DNAAF5: variants seen among roughly 807,000 people sequenced by gnomAD.
DNAAF5 encodes HEAT repeat containing 2.
In DNAAF5, 64 loss-of-function variants were observed where a neutral mutation model predicts 75.8. The observed-to-expected ratio is 0.84, with a 90% CI of 0.69 to 1.04. The LOEUF (loss-of-function observed/expected upper bound fraction) is 1.04, where lower values mean the gene tolerates loss of function less well. Ranked by LOEUF, DNAAF5 falls within the 50% of genes least tolerant of loss-of-function variation. The pLI, the probability that DNAAF5 is intolerant of heterozygous loss-of-function variation, is 0.00. For missense variants in DNAAF5, 1,269 were observed against 1,178.5 expected (o/e 1.08, Z -1.12); for synonymous variants, 657 against 557.2 (o/e 1.18, Z -2.52).
chr7:739,081 T>C, intron 2 of DNAAF5, among the ~76,000 whole-genome samples: 1 of 141,486 alleles, frequency 7.1e-6, no homozygotes, highest in Admixed American at 7.0e-5. Flanking sequence ...GCAGTCTGGC[T>C]TGTCTCAGCC....
intron 12 of DNAAF5, among the ~76,000 whole-genome samples, chr7:782,646 C>T (rs1247464143): frequency 7.0e-6 from 1 of 143,044 alleles, no homozygotes; most frequent in Non-Finnish European, 1.5e-5. Context: ...GGCCGCCTCC[C>T]GTCACGCAGC....
intron 8 of DNAAF5, among the ~76,000 whole-genome samples, chr7:764,449 C>A (rs1007418535): frequency 2.6e-5 from 4 of 152,328 alleles, no homozygotes; most frequent in African/African-American, 9.6e-5. Context: ...GGGGCAAGAT[C>A]CACTGCAGAA....
At position 756,884 on chromosome 7, in the gene DNAAF5, C is replaced by A; in HGVS notation, c.1360C>A (p.Leu454Met). The A allele has an allele frequency of 1.9e-6, 3 of 1,613,532 alleles. No homozygotes were observed. The highest frequency in any genetic ancestry group is 8.5e-7 in the Non-Finnish European group (1 of 1,180,008). The change falls in exon 6 of 13, where the codon CTG (leucine) becomes ATG (methionine). Residue 454 changes from leucine to methionine, a missense_variant. Coordinates refer to ENST00000297440, the MANE Select transcript of DNAAF5 (RefSeq NM_017802.4). The part of the protein sequence containing the change: ...LKKTPSASGL[L>M]VLASAMRGCP... ...GAAGACGCCCTCTGCCTCCGGCCTCCTGGTGCTGGCCTCCGCCATGCGGGG... is the reference window on the plus strand; with the variant it reads ...GAAGACGCCCTCTGCCTCCGGCCTCATGGTGCTGGCCTCCGCCATGCGGGG...
intron 8 of DNAAF5, among the ~76,000 whole-genome samples, chr7:764,916 GA>G (rs960099414): frequency 4.0e-5 from 6 of 151,870 alleles, no homozygotes; most frequent in Admixed American, 1.3e-4. Flanking sequence ...ACAAAAAGAT[GA>G]AAAAAACCGC....
intron 2 of DNAAF5, among the ~76,000 whole-genome samples, chr7:738,098 C>G (rs1400662342): frequency 6.6e-6 from 1 of 152,182 alleles, no homozygotes; most frequent in Non-Finnish European, 1.5e-5. Context: ...GTGCTTCATT[C>G]TTTCTATTCT....
chr7:768,036 C>G (rs1229559109), intron 8 of DNAAF5, among the ~76,000 whole-genome samples: 1 of 150,776 alleles, frequency 6.6e-6, no homozygotes, highest in Admixed American at 6.6e-5. Flanking sequence ...CAGGAGCTGG[C>G]GCTGGGAGGG....
In DNAAF5 at chr7:727,223, T is replaced by A; in HGVS notation, c.503T>A (p.Leu168Gln). 1 of 1,347,248 alleles carries A rather than the reference T, an allele frequency of 7.4e-7. No homozygotes were observed. The allele number at this position is 1,347,248 out of a possible 1,614,324, so 83.5% of individuals were successfully genotyped here. Reference protein sequence around the residue: ...AALAPHLDDALRALRCSLLDP... With the variant: ...AALAPHLDDAQRALRCSLLDP... Reference sequence around the variant, plus strand: ...CTCGCGCCCCACCTGGACGACGCTCTGCGCGCGCTGCGCTGCTCCCTGCTC... The same window carrying A: ...CTCGCGCCCCACCTGGACGACGCTCAGCGCGCGCTGCGCTGCTCCCTGCTC... The change falls in exon 1 of 13, where the codon CTG becomes CAG. Residue 168 changes from leucine to glutamine, a missense_variant. Coordinates refer to ENST00000297440, the MANE Select transcript of DNAAF5 (RefSeq NM_017802.4).
At chr7:733,054 T>G (rs1243698264) in intron 2 of DNAAF5, among the ~76,000 whole-genome samples, 1 of 152,234 alleles carries the variant, frequency 6.6e-6, no homozygotes, top group Admixed American at 6.5e-5. Flanking sequence ...CCCCAAGATA[T>G]GTCCTTGGCA....
chr7:754,095 C>T lies in DNAAF5; in HGVS notation c.1025-494C>T, dbSNP rs1303395128. Among the ~76,000 whole-genome samples the T allele has an allele frequency of 1.3e-5, 2 of 152,052 alleles. No homozygotes were observed. Among genetic ancestry groups the T allele is most frequent in the African/African-American group, 2.4e-5 (1 of 41,390 alleles). On this transcript the variant is annotated intron_variant, in intron 4 of 12. Transcript: ENST00000297440. The surrounding 1 kb of genome is among the most constrained non-coding windows in gnomAD (Gnocchi z 4.8). ...CTCTCTGATCATAGGGGGACGGCTT[C>T]GCAGGCGTGTCTCTCTGATCATACA...
intron 7 of DNAAF5, 104 bp from the exon 8 acceptor site, chr7:763,702 C>A: frequency 1.5e-6 from 2 of 1,308,768 alleles, no homozygotes; most frequent in Admixed American, 1.9e-5. Context: ...GCAGGCCCGG[C>A]CTGTGTGGTT....
In DNAAF5 at chr7:754,135, G is replaced by T. The variant is rs1378519368; in HGVS notation, c.1025-454G>T. Among the ~76,000 whole-genome samples, 1 of 152,216 alleles carries T rather than the reference G, an allele frequency of 6.6e-6. No individual in the cohort carries two copies. Among genetic ancestry groups the T allele is most frequent in the Non-Finnish European group, 1.5e-5 (1 of 68,036 alleles). Reference sequence around the variant, plus strand: ...CTGATCATACACGTCAGCACGTGTGGCAAGTGTGTTGTTTGCATCTCTGTG... The same window carrying T: ...CTGATCATACACGTCAGCACGTGTGTCAAGTGTGTTGTTTGCATCTCTGTG... On this transcript the variant is annotated intron_variant, in intron 4 of 12. Transcript: ENST00000297440. The surrounding 1 kb of genome is among the most constrained non-coding windows in gnomAD (Gnocchi z 4.8).
rs1392572632 is a variant in DNAAF5 at position 741,590 on chromosome 7, T to G, written c.1024+125T>G. 4.7e-6 allele frequency: 3 copies of G among 633,684 alleles called. No individual in the cohort carries two copies. The Admixed American group carries it at 8.1e-5, about 17-fold the overall frequency. The allele number at this position is 633,684 out of a possible 1,614,324, so 39.3% of individuals were successfully genotyped here. On this transcript the variant is annotated intron_variant, in intron 4 of 12. Transcript: ENST00000297440. ...AGCCCAGGCGGCCGCGTCGGAAAGGTGCAGGCGTCTCCCCACTGGGCTGGG... is the reference window on the plus strand; with the variant it reads ...AGCCCAGGCGGCCGCGTCGGAAAGGGGCAGGCGTCTCCCCACTGGGCTGGG...
At position 735,528 on chromosome 7, in the gene DNAAF5, T is replaced by TTG. The variant is rs1270628106; in HGVS notation, c.781-5290_781-5289insGT. ...AGTTGCTGATATTGTTGCTCACGGT[T>TTG]TTCTTCATGGTGTAGCTGCTCACAG... On this transcript the variant is annotated intron_variant, in intron 2 of 12. Transcript: ENST00000297440. Among the ~76,000 whole-genome samples, 7 of 129,792 alleles carry TTG rather than the reference T, an allele frequency of 5.4e-5. No individual in the cohort carries two copies. In the East Asian group the frequency reaches 1.5e-3, roughly 27 times the overall value. 85.1% of individuals were successfully genotyped at this position (129,792 alleles called of 152,430 possible).
Position 785,789 on chromosome 7 carries a change from C to T in DNAAF5, c.*136C>T, listed in dbSNP as rs575356043. 1.1e-4 allele frequency: 105 copies of T among 964,702 alleles called. No homozygotes were observed. In the Admixed American group the frequency reaches 2.9e-3, roughly 26 times the overall value. The allele number at this position is 964,702 out of a possible 1,614,324, so 59.8% of individuals were successfully genotyped here. A position where few individuals can be genotyped will look rare whatever the true frequency, so the allele number is the denominator to read the frequency against. ...AAGAATGTACTCCTCAGGACACCTG[C>T]CCACTCTTTCCCTGGAATAACAGCC... On this transcript the variant is annotated 3_prime_UTR_variant, in exon 13 of 13. Transcript: ENST00000297440.
At position 761,833 on chromosome 7, in the gene DNAAF5, G is replaced by A; in HGVS notation, c.1551G>A (p.Leu517=). 3.7e-6 allele frequency: 6 copies of A among 1,604,296 alleles called. No homozygotes were observed. Among genetic ancestry groups the A allele is most frequent in the East Asian group, 2.3e-5 (1 of 44,270 alleles). The change falls in exon 7 of 13, where the codon CTG becomes CTA. Residue 517 remains leucine, a synonymous_variant. Transcript: ENST00000297440. ...VCHEDCGVAS[L]QLLDVLLTIV... is the part of the protein sequence containing the mutation. ...ATGAGGACTGTGGCGTGGCCAGCCT[G>A]CAGCTCTTGGACGTGCTGCTGACAA... is the stretch of plus-strand genomic sequence containing the variant.
chr7:779,801 G>A, intron 11 of DNAAF5, 152 bp from the exon 12 acceptor site: 1 of 655,802 alleles, frequency 1.5e-6, no homozygotes. Flanking sequence ...CTTGCATGTG[G>A]CTCGGGATGC....
intron 5 of DNAAF5, among the ~76,000 whole-genome samples, chr7:755,798 T>C (rs1243519228): frequency 1.3e-5 from 2 of 152,242 alleles, no homozygotes; most frequent in Non-Finnish European, 2.9e-5. Context: ...CCATGTTATT[T>C]ACATGTCATG....
At chr7:765,700 T>TTTTTTTG (rs1176518689) in intron 8 of DNAAF5, among the ~76,000 whole-genome samples, 4 of 151,996 alleles carry the variant, frequency 2.6e-5, no homozygotes, top group African/African-American at 7.3e-5. Context: ...ACTGTATGGG[T>TTTTTTTG]TTTTTTGTTT....
intron 4 of DNAAF5, among the ~76,000 whole-genome samples, chr7:751,940 T>C (rs1218705663): frequency 6.7e-6 from 1 of 149,826 alleles, no homozygotes; most frequent in Non-Finnish European, 1.5e-5. Context: ...ATCGACAAAC[T>C]GATTGTGAAA....
Sources: gnomAD v4.1 joint callset for allele counts (sites outside exome capture counted in the v4.1 genomes callset) on GRCh38, gnomAD v4.1.1 for gene constraint, Gnocchi (gnomAD v3.1) non-coding constraint, MANE v1.5 for transcripts, NCBI Gene and HGNC (gene_info 2026-07-23, HGNC 2026-07-21) for gene names.